Variants in CNTN5 observed in about 807,000 individuals in gnomAD.
CNTN5 encodes contactin 5.
CNTN5 carries 77 observed loss-of-function variants against 129.1 expected under a neutral mutation model. The ratio of observed to expected loss-of-function variants is 0.60; its 90% CI spans 0.50 to 0.72. CNTN5 has a LOEUF of 0.72. CNTN5 is among the 30% of genes least tolerant of loss of function. The pLI is 0.00. For missense variants in CNTN5, 1,478 were observed against 1,328.8 expected, an observed-to-expected ratio of 1.11 and a Z score of -1.75; for synonymous variants, 509 against 465.6, an observed-to-expected ratio of 1.09 and a Z score of -1.20.
intron 8 of CNTN5, among the ~76,000 whole-genome samples, chr11:99,991,146 T>A (rs1939065837): frequency 6.6e-6 from 1 of 152,186 alleles, no homozygotes; most frequent in Non-Finnish European, 1.5e-5. Flanking sequence ...TTGGTTATGC[T>A]TGGCACAATG....
intron 13 of CNTN5, among the ~76,000 whole-genome samples, chr11:100,171,664 G>A (rs950516450): frequency 1.5e-4 from 23 of 152,058 alleles, no homozygotes; most frequent in Middle Eastern, 3.4e-3. Flanking sequence ...CAGTGGAAAC[G>A]TTTAGAACCC....
chr11:100,147,786 G>A (rs1946904622), intron 13 of CNTN5, among the ~76,000 whole-genome samples: 1 of 151,856 alleles, frequency 6.6e-6, no homozygotes. Flanking sequence ...CCATTCTCCA[G>A]GGACTGGGTG....
intron 1 of CNTN5, among the ~76,000 whole-genome samples, chr11:99,253,559 A>C (rs1862221978): frequency 6.6e-6 from 1 of 151,904 alleles, no homozygotes; most frequent in Admixed American, 6.6e-5. Context: ...ATTTCACCTA[A>C]GATTTTTTTA....
rs12804800 is a variant in CNTN5, at chr11:99,373,713, A to T, written c.-71+48229A>T. 1.1e-3 allele frequency among the ~76,000 whole-genome samples: 74 copies of T among 64,352 alleles called. 1 individual carries two copies. The highest frequency in any genetic ancestry group is 1.4e-3 in the Non-Finnish European group (40 of 28,028). 42.2% of individuals were successfully genotyped at this position (64,352 alleles called of 152,430 possible). ...GGGAAACGAGGAAAACTCCGTCTCA[A>T]AAAAAAAAAAAAAAAAAAAAATTAA... On this transcript the variant is annotated intron_variant, in intron 2 of 24. Transcript: ENST00000524871.
chr11:100,200,559 G>A (rs1948753455), intron 15 of CNTN5, among the ~76,000 whole-genome samples: 1 of 151,868 alleles, frequency 6.6e-6, no homozygotes, highest in African/African-American at 2.4e-5. Context: ...TTTTGGTGTA[G>A]AACTGCAGGT....
intron 2 of CNTN5, among the ~76,000 whole-genome samples, chr11:99,548,186 T>A (rs191371370): frequency 6.6e-6 from 1 of 152,316 alleles, no homozygotes; most frequent in East Asian, 1.9e-4. Flanking sequence ...AAAATCAGTT[T>A]TTGATTTAAT....
At chr11:100,274,662 A>G (rs1950471472) in intron 18 of CNTN5, among the ~76,000 whole-genome samples, 1 of 152,212 alleles carries the variant, frequency 6.6e-6, no homozygotes, top group South Asian at 2.1e-4. Context: ...ACAAAATGCA[A>G]TAACATTAAA....
intron 1 of CNTN5, among the ~76,000 whole-genome samples, chr11:99,218,367 C>G (rs1860235245): frequency 6.6e-6 from 1 of 152,084 alleles, no homozygotes; most frequent in South Asian, 2.1e-4. Context: ...TACCAACCCT[C>G]TAGGTCAACT....
intron 1 of CNTN5, among the ~76,000 whole-genome samples, chr11:99,278,409 T>C (rs1420979556): frequency 6.6e-6 from 1 of 151,638 alleles, no homozygotes. Flanking sequence ...TTTTTCTCAC[T>C]GAAGCACATT....
chr11:99,821,678 A>G (rs997931179), intron 4 of CNTN5, among the ~76,000 whole-genome samples: 1 of 152,166 alleles, frequency 6.6e-6, no homozygotes, highest in Admixed American at 6.5e-5. Flanking sequence ...GAGAAGTAGT[A>G]ATTCTCTAAA....
chr11:100,093,747 A>G (rs916653088), intron 13 of CNTN5, among the ~76,000 whole-genome samples: 6 of 152,086 alleles, frequency 3.9e-5, no homozygotes, highest in Admixed American at 2.0e-4. Context: ...GCCCAGTCAC[A>G]AGAATTACAC....
At chr11:100,080,134 A>T (rs1944304308) in intron 13 of CNTN5, among the ~76,000 whole-genome samples, 2 of 152,162 alleles carry the variant, frequency 1.3e-5, no homozygotes, top group Admixed American at 6.5e-5. Flanking sequence ...GTTTAAAATT[A>T]TTCACAATTA....
chr11:99,038,211 G>C (rs1863837114), intron 1 of CNTN5, among the ~76,000 whole-genome samples: 1 of 152,162 alleles, frequency 6.6e-6, no homozygotes, highest in East Asian at 1.9e-4. Flanking sequence ...TGTCCAAGCT[G>C]TAGTTCCCTA....
chr11:99,452,207 CTGTA>C (rs1944328232), intron 2 of CNTN5, among the ~76,000 whole-genome samples: 1 of 151,854 alleles, frequency 6.6e-6, no homozygotes, highest in Non-Finnish European at 1.5e-5. Flanking sequence ...CTGTAAAATA[CTGTA>C]TACAATTGAA....
chr11:99,570,893 A>G (rs550998822), intron 3 of CNTN5, among the ~76,000 whole-genome samples: 1 of 152,334 alleles, frequency 6.6e-6, no homozygotes, highest in Admixed American at 6.5e-5. Flanking sequence ...TGGAAATACA[A>G]GCCACATGAA....
chr11:99,387,664 GA>G (rs35387707), intron 2 of CNTN5, among the ~76,000 whole-genome samples: 34,881 of 151,676 alleles, frequency 0.23, 4,778 homozygotes, highest in Middle Eastern at 0.32. Flanking sequence ...CTTTTTTCTG[GA>G]CTCCTGCTAC....
chr11:99,546,938 T>G (rs941054517), intron 2 of CNTN5, among the ~76,000 whole-genome samples: 2 of 152,046 alleles, frequency 1.3e-5, no homozygotes, highest in African/African-American at 4.8e-5. Flanking sequence ...TAGGGAAGAG[T>G]GTGAGTGTGA....
At chr11:99,385,907 A>G (rs763040264) in intron 2 of CNTN5, among the ~76,000 whole-genome samples, 6 of 152,200 alleles carry the variant, frequency 3.9e-5, no homozygotes, top group Non-Finnish European at 8.8e-5. Flanking sequence ...GACTACATAA[A>G]TTTGAAACCC....
intron 1 of CNTN5, among the ~76,000 whole-genome samples, chr11:99,207,237 T>C (rs1226497245): frequency 6.6e-6 from 1 of 152,182 alleles, no homozygotes; most frequent in Non-Finnish European, 1.5e-5. Context: ...TTTGCAATAC[T>C]GTACAGGACG....
Sources: gnomAD v4.1 joint callset for allele counts (sites outside exome capture counted in the v4.1 genomes callset) on GRCh38, gnomAD v4.1.1 for gene constraint, MANE v1.5 for transcripts, NCBI Gene and HGNC (gene_info 2026-07-23, HGNC 2026-07-21) for gene names.